Variants in CHRM1 observed in about 807,000 individuals in gnomAD.
CHRM1 encodes muscarinic acetylcholine receptor M1.
CHRM1 carries 5 observed loss-of-function variants against 31.6 expected under a neutral mutation model. That is an observed-to-expected ratio of 0.16 (90% CI 0.08 to 0.33). The LOEUF (loss-of-function observed/expected upper bound fraction) is 0.33, where lower values mean the gene tolerates loss of function less well. CHRM1 is among the 10% of genes least tolerant of loss of function. CHRM1 has a pLI of 1.00. For synonymous variants in CHRM1, 227 were observed against 249.7 expected, an observed-to-expected ratio of 0.91 and a Z score of 0.86; for missense variants, 338 against 610.3, an observed-to-expected ratio of 0.55 and a Z score of 4.70.
chr11:62,918,932 T>G (rs1227646482), intron 1 of CHRM1, among the ~76,000 whole-genome samples: 1 of 151,814 alleles, frequency 6.6e-6, no homozygotes, highest in Non-Finnish European at 1.5e-5. Context: ...CTGGGGAAGA[T>G]ATTTAGGAGG....
chr11:62,913,358 G>T (rs962807088), intron 1 of CHRM1, among the ~76,000 whole-genome samples: 1 of 152,136 alleles, frequency 6.6e-6, no homozygotes, highest in African/African-American at 2.4e-5. Context: ...TAGCAATGAG[G>T]GTGCTAGGCT....
chr11:62,917,073 A>C (rs2085904222), intron 1 of CHRM1: 2 of 152,282 alleles, frequency 1.3e-5, no homozygotes, highest in South Asian at 4.1e-4. Flanking sequence ...TCAGGAGAAG[A>C]TTCCTGGAGA....
intron 1 of CHRM1, among the ~76,000 whole-genome samples, chr11:62,917,612 G>T (rs906160085): frequency 2.0e-5 from 3 of 152,126 alleles, no homozygotes; most frequent in Non-Finnish European, 2.9e-5. Context: ...GCAAGGCTGG[G>T]AATGGTGGAG....
Position 62,910,564 on chromosome 11 carries a change from G to A in CHRM1, c.537C>T (p.Tyr179=). ...TGATGGGCTGGGAGAGGAACTGGAT[G>A]TAGCACTGCCCAGCTAGCACTGTCC... ...GERTVLAGQC[Y]IQFLSQPIIT... The change falls in exon 2 of 2, where the codon TAC becomes TAT. Residue 179 remains tyrosine (Y), a synonymous_variant. Transcript: ENST00000306960. This position sits in a 1 kb window ranked among gnomAD's most constrained non-coding sequence, Gnocchi z 8.7. The A allele has an allele frequency of 1.2e-6, 2 of 1,614,216 alleles. No individual in the cohort carries two copies. Among genetic ancestry groups the A allele is most frequent in the South Asian group, 2.2e-5 (2 of 91,084 alleles).
chr11:62,915,097 C>G (rs112496103), intron 1 of CHRM1, among the ~76,000 whole-genome samples: 2 of 148,794 alleles, frequency 1.3e-5, no homozygotes, highest in Admixed American at 1.4e-4. Context: ...ATCACTTGAG[C>G]CCAGGAGGCA....
chr11:62,913,002 C>T (rs990758057), intron 1 of CHRM1, among the ~76,000 whole-genome samples: 6 of 152,122 alleles, frequency 3.9e-5, no homozygotes, highest in Non-Finnish European at 7.4e-5. Flanking sequence ...TCACTGACAG[C>T]GTGGCGAGTT....
Position 62,910,937 on chromosome 11 carries a change from T to A in CHRM1, c.164A>T (p.Glu55Val). The change falls in exon 2 of 2, where the codon GAG becomes GTG. Residue 55 changes from glutamate (E) to valine (V), a missense_variant. Transcript: ENST00000306960. The surrounding 1 kb of genome is among the most constrained non-coding windows in gnomAD (Gnocchi z 8.7). The part of the protein sequence containing the change: ...LVLISFKVNT[E>V]LKTVNNYFLL... ...GAAGTAGTTATTGACTGTCTTGAGC[T>A]CCGTGTTGACCTTGAAAGAGATGAG... 1 of 1,614,150 alleles carries A rather than the reference T, an allele frequency of 6.2e-7. No individual in the cohort carries two copies. Among genetic ancestry groups the A allele is most frequent in the Non-Finnish European group, 8.5e-7 (1 of 1,180,022 alleles).
intron 1 of CHRM1, among the ~76,000 whole-genome samples, chr11:62,911,611 A>G (rs2085871438): frequency 6.6e-6 from 1 of 152,180 alleles, no homozygotes; most frequent in African/African-American, 2.4e-5. Context: ...CTAACCACCT[A>G]AATGAATTAT....
At chr11:62,920,852 C>G (rs1438106325) in intron 1 of CHRM1, 1 of 152,164 alleles carries the variant, frequency 6.6e-6, no homozygotes, top group Non-Finnish European at 1.5e-5. Context: ...AGGGCTGCTT[C>G]CTGGCCCTTT....
chr11:62,920,437 C>G (rs11824018), intron 1 of CHRM1, among the ~76,000 whole-genome samples: 3,526 of 152,254 alleles, frequency 0.023, 115 homozygotes, highest in African/African-American at 0.079. Context: ...TCTGCGGGCA[C>G]TGGGGTGAGT....
At chr11:62,912,249 C>T (rs112850657) in intron 1 of CHRM1, among the ~76,000 whole-genome samples, 18,784 of 151,718 alleles carry the variant, frequency 0.12, 1,483 homozygotes, top group Admixed American at 0.27. Flanking sequence ...GCATCTGTAG[C>T]CCCAGCTACT....
Position 62,914,469 on chromosome 11 carries a change from G to A in CHRM1, c.-78-3291C>T, listed in dbSNP as rs114909684. ...TTTGTCTTGATTACTGAGTTTTGCT[G>A]TACCCTTTCCCTTAAACAAAATCAG... On this transcript the variant is annotated intron_variant, in intron 1 of 1. Coordinates refer to ENST00000306960, the MANE Select transcript of CHRM1 (RefSeq NM_000738.3). 9.0e-3 allele frequency among the ~76,000 whole-genome samples: 1,364 copies of A among 152,280 alleles called. 21 individuals carry two copies. The highest frequency in any genetic ancestry group is 0.031 in the African/African-American group (1,305 of 41,548).
Position 62,913,530 on chromosome 11 carries a change from G to A in CHRM1, c.-78-2352C>T, listed in dbSNP as rs547768396. Among the ~76,000 whole-genome samples the A allele has an allele frequency of 3.9e-5, 6 of 152,258 alleles. No individual in the cohort carries two copies. In the South Asian group the frequency reaches 1.0e-3, roughly 26 times the overall value. On this transcript the variant is annotated intron_variant, in intron 1 of 1. Transcript: ENST00000306960. ...CTACTAAAAATACAAAATTAGCCAGGGGTGGTGGTACATGGCTGTAACCCT... is the reference window on the plus strand; with the variant it reads ...CTACTAAAAATACAAAATTAGCCAGAGGTGGTGGTACATGGCTGTAACCCT...
intron 1 of CHRM1, 135 bp from the exon 2 acceptor site, chr11:62,911,313 C>A: frequency 1.7e-6 from 1 of 573,764 alleles, no homozygotes; most frequent in Non-Finnish European, 3.1e-6. Flanking sequence ...TACCGGTGCC[C>A]ACTCATGGTC....
chr11:62,916,577 C>T (rs1024259454), intron 1 of CHRM1, among the ~76,000 whole-genome samples: 1 of 152,234 alleles, frequency 6.6e-6, no homozygotes, highest in Admixed American at 6.5e-5. Context: ...CCAAATCTCC[C>T]ATTTTAATAG....
chr11:62,918,124 C>G (rs1231735607), intron 1 of CHRM1: 1 of 152,376 alleles, frequency 6.6e-6, no homozygotes, highest in African/African-American at 2.4e-5. Context: ...CTTACTCAAG[C>G]CCAACTTTGA....
At chr11:62,915,204 G>T (rs897682470) in intron 1 of CHRM1, among the ~76,000 whole-genome samples, 3 of 106,890 alleles carry the variant, frequency 2.8e-5, no homozygotes, top group African/African-American at 1.1e-4. Context: ...AAAAAAAAAA[G>T]CTTGACTCCT....
At position 62,909,964 on chromosome 11, in the gene CHRM1, T is replaced by A. The variant is rs148741609; in HGVS notation, c.1137A>T (p.Thr379=). 30 of 1,614,098 alleles carry A rather than the reference T, an allele frequency of 1.9e-5. No individual in the cohort carries two copies. The highest frequency in any genetic ancestry group is 2.5e-5 in the Non-Finnish European group (30 of 1,180,004). Residue 379 remains threonine, a synonymous_variant, in exon 2 of 2, where the codon ACA becomes ACT. Coordinates refer to ENST00000306960, the MANE Select transcript of CHRM1 (RefSeq NM_000738.3). ...AILLAFILTW[T]PYNIMVLVST... ...ACACCAGCACCATGATGTTGTACGG[T>A]GTCCAGGTGAGGATGAAGGCCAGGA... is the stretch of plus-strand genomic sequence containing the variant.
At position 62,909,458 on chromosome 11, in the gene CHRM1, G is replaced by C; in HGVS notation, c.*260C>G. The C allele has an allele frequency of 5.9e-6, 3 of 507,416 alleles. No homozygotes were observed. The highest frequency in any genetic ancestry group is 3.5e-6 in the Non-Finnish European group (1 of 285,972). The allele number at this position is 507,416 out of a possible 1,614,324, so 31.4% of individuals were successfully genotyped here. A position where few individuals can be genotyped will look rare whatever the true frequency, so the allele number is the denominator to read the frequency against. Reference sequence around the variant, plus strand: ...AGTCCAAAGCCCGGATCCTCCTCCCGGGCCTTCTTCCTGGTGAAGAGCGCA... The same window carrying C: ...AGTCCAAAGCCCGGATCCTCCTCCCCGGCCTTCTTCCTGGTGAAGAGCGCA... On this transcript the variant is annotated 3_prime_UTR_variant, in exon 2 of 2. Transcript: ENST00000306960.
Sources: allele counts gnomAD v4.1 joint callset (sites outside exome capture counted in the v4.1 genomes callset), GRCh38; gene constraint gnomAD v4.1.1; non-coding constraint Gnocchi (gnomAD v3.1); transcripts MANE v1.5; gene names NCBI Gene and HGNC (gene_info 2026-07-23, HGNC 2026-07-21).